TICAM2: variants seen among roughly 807,000 people sequenced by gnomAD.
TICAM2 encodes the protein TIR domain-containing adapter molecule 2.
Under a neutral mutation model 7.3 loss-of-function variants are expected in TICAM2, and 8 were observed. The ratio of observed to expected loss-of-function variants is 1.10; its 90% CI spans 0.65 to 1.99. The LOEUF is 1.99. TICAM2 is among the 30% of genes most tolerant of loss of function. The pLI, the probability that TICAM2 is intolerant of heterozygous loss-of-function variation, is 0.00. For synonymous variants in TICAM2, 113 were observed against 99.6 expected (o/e 1.13, Z -0.80); for missense variants, 304 against 278.8 (o/e 1.09, Z -0.65).
rs1303875402 is a variant in TICAM2, at chr5:115,580,436, T to G, written c.*113A>C. 1 of 1,316,724 alleles carries G rather than the reference T, an allele frequency of 7.6e-7. No individual in the cohort carries two copies. 81.6% of individuals were successfully genotyped at this position (1,316,724 alleles called of 1,614,324 possible). The stretch of plus-strand genomic sequence containing the variant: ...ATCTTTCTTGTGCTCCATAGGTTTC[T>G]TTAAGGTGAAGACTCTCTTTTATTT... On this transcript the variant is annotated 3_prime_UTR_variant, in exon 2 of 2. Coordinates refer to ENST00000427199, the MANE Select transcript of TICAM2 (RefSeq NM_021649.7).
Position 115,579,553 on chromosome 5 carries a change from G to A in TICAM2, c.*996C>T, listed in dbSNP as rs747159018. 3.3e-5 allele frequency: 5 copies of A among 152,176 alleles called. No individual in the cohort carries two copies. The highest frequency in any genetic ancestry group is 7.4e-5 in the Non-Finnish European group (5 of 68,026). The allele number at this position is 152,176 out of a possible 1,614,324, so 9.4% of individuals were successfully genotyped here. A position where few individuals can be genotyped will look rare whatever the true frequency, so the allele number is the denominator to read the frequency against. ...GTGGAGGAAAGAAACAATCCTGTTT[G>A]GGGCCTCTCTGGCTTGTTAGGAGCA... On this transcript the variant is annotated 3_prime_UTR_variant, in exon 2 of 2. Coordinates refer to ENST00000427199, the MANE Select transcript of TICAM2 (RefSeq NM_021649.7).
chr5:115,597,728 T>C (rs1314011393), intron 1 of TICAM2, among the ~76,000 whole-genome samples: 1 of 152,188 alleles, frequency 6.6e-6, no homozygotes, highest in Non-Finnish European at 1.5e-5. Flanking sequence ...GACCCCTGCA[T>C]ATACCAAAAT....
intron 1 of TICAM2, among the ~76,000 whole-genome samples, chr5:115,589,018 G>A (rs1336545998): frequency 6.6e-6 from 1 of 152,188 alleles, no homozygotes; most frequent in Non-Finnish European, 1.5e-5. Flanking sequence ...ACTAACTAGA[G>A]TAGATTCTGT....
intron 1 of TICAM2, among the ~76,000 whole-genome samples, chr5:115,591,666 G>C (rs921813109): frequency 3.3e-5 from 5 of 151,994 alleles, no homozygotes; most frequent in African/African-American, 1.2e-4. Context: ...CATTAGATTA[G>C]ATCAGCAGCA....
Position 115,584,258 on chromosome 5 carries a change from T to C in TICAM2, c.-59-2943A>G, listed in dbSNP as rs138143700. On this transcript the variant is annotated intron_variant, in intron 1 of 1. Transcript: ENST00000427199. ...TTTTCAAAAAAAGTATCATTATTCA[T>C]ATGTATACATGACATATAAATCCCA... 2.3e-3 allele frequency among the ~76,000 whole-genome samples: 351 copies of C among 152,354 alleles called. 4 individuals carry two copies. Among genetic ancestry groups the C allele is most frequent in the Middle Eastern group, 6.8e-3 (2 of 294 alleles).
intron 1 of TICAM2, among the ~76,000 whole-genome samples, chr5:115,600,191 G>C (rs756862084): frequency 6.0e-4 from 92 of 152,198 alleles, no homozygotes; most frequent in Non-Finnish European, 1.1e-3. Flanking sequence ...ATTGAGATAA[G>C]GGAGGGAGCT....
rs115672911 is a variant in TICAM2, at chr5:115,593,817, G to C, written c.-60+8280C>G. 7.2e-3 allele frequency among the ~76,000 whole-genome samples: 1,098 copies of C among 152,230 alleles called. 13 individuals are homozygous for C. The highest frequency in any genetic ancestry group is 0.025 in the African/African-American group (1,044 of 41,536). ...GACAAGGTAATACAGCAAAATGTTA[G>C]ACAAATTGCTAAAGGGATGGGATAA... On this transcript the variant is annotated intron_variant, in intron 1 of 1. Coordinates refer to ENST00000427199, the MANE Select transcript of TICAM2 (RefSeq NM_021649.7).
In TICAM2 at chr5:115,601,694, A is replaced by T. The variant is rs76081272; in HGVS notation, c.-60+403T>A. On this transcript the variant is annotated intron_variant, in intron 1 of 1. Coordinates refer to ENST00000427199, the MANE Select transcript of TICAM2 (RefSeq NM_021649.7). ...CTGCCAGTCAAATTATTTTTATCCA[A>T]ATTAGCTTTGCACAAAAAGCCAAGT... Among the ~76,000 whole-genome samples the T allele has an allele frequency of 7.3e-3, 1,105 of 152,358 alleles. 7 individuals are homozygous for T. The highest frequency in any genetic ancestry group is 0.011 in the Non-Finnish European group (741 of 68,028).
At chr5:115,582,799 T>G (rs1754975578) in intron 1 of TICAM2, among the ~76,000 whole-genome samples, 1 of 152,228 alleles carries the variant, frequency 6.6e-6, no homozygotes, top group African/African-American at 2.4e-5. Context: ...GTAACATGGC[T>G]ACATATGCCT....
At chr5:115,595,412 A>G (rs1191133111) in intron 1 of TICAM2, among the ~76,000 whole-genome samples, 1 of 152,190 alleles carries the variant, frequency 6.6e-6, no homozygotes, top group African/African-American at 2.4e-5. Flanking sequence ...CCTCCTAAAC[A>G]TATCTGTCTC....
At chr5:115,586,037 T>C (rs1413977953) in intron 1 of TICAM2, among the ~76,000 whole-genome samples, 1 of 152,272 alleles carries the variant, frequency 6.6e-6, no homozygotes, top group Middle Eastern at 3.4e-3. Context: ...ATATAGAGTC[T>C]GGAGTGTAGG....
chr5:115,595,048 A>G (rs993032088), intron 1 of TICAM2, among the ~76,000 whole-genome samples: 1 of 152,180 alleles, frequency 6.6e-6, no homozygotes, highest in Non-Finnish European at 1.5e-5. Flanking sequence ...AGGCTGGGCC[A>G]CAAGAACTAA....
chr5:115,598,862 T>C (rs1280414754), intron 1 of TICAM2, among the ~76,000 whole-genome samples: 1 of 152,126 alleles, frequency 6.6e-6, no homozygotes, highest in African/African-American at 2.4e-5. Flanking sequence ...GGATTATAAA[T>C]TAAACAATCT....
intron 1 of TICAM2, among the ~76,000 whole-genome samples, chr5:115,590,474 G>C (rs1230726990): frequency 6.6e-6 from 1 of 152,144 alleles, no homozygotes; most frequent in Non-Finnish European, 1.5e-5. Context: ...AGAAATTTCT[G>C]TACAAGTTGG....
At chr5:115,600,112 TA>T (rs1319184016) in intron 1 of TICAM2, among the ~76,000 whole-genome samples, 1 of 152,060 alleles carries the variant, frequency 6.6e-6, no homozygotes, top group African/African-American at 2.4e-5. Context: ...GAGTCTGACC[TA>T]AAAAGAGAAG....
intron 1 of TICAM2, among the ~76,000 whole-genome samples, chr5:115,598,889 C>G (rs966080945): frequency 6.6e-6 from 1 of 152,028 alleles, no homozygotes; most frequent in African/African-American, 2.4e-5. Context: ...TGCTACACCT[C>G]TTCATAAAGA....
At chr5:115,600,445 G>C (rs926075899) in intron 1 of TICAM2, among the ~76,000 whole-genome samples, 5 of 152,162 alleles carry the variant, frequency 3.3e-5, no homozygotes, top group African/African-American at 1.2e-4. Flanking sequence ...GGGAAAGTAT[G>C]GCTAGAAAAA....
chr5:115,583,797 G>A (rs1020780489), intron 1 of TICAM2, among the ~76,000 whole-genome samples: 2 of 152,194 alleles, frequency 1.3e-5, no homozygotes, highest in Non-Finnish European at 2.9e-5. Context: ...CAAAGGAAAG[G>A]CATGGCGTGG....
intron 1 of TICAM2, among the ~76,000 whole-genome samples, chr5:115,599,097 A>G (rs1285478339): frequency 6.6e-6 from 1 of 151,778 alleles, no homozygotes; most frequent in Non-Finnish European, 1.5e-5. Context: ...TTTATATAAT[A>G]TCTTATAAAA....
Sources: gnomAD v4.1 joint callset for allele counts (sites outside exome capture counted in the v4.1 genomes callset) on GRCh38, gnomAD v4.1.1 for gene constraint, MANE v1.5 for transcripts, NCBI Gene and HGNC (gene_info 2026-07-23, HGNC 2026-07-21) for gene names.